The following GLT8D2 variants were observed in gnomAD, a reference collection of about 807,000 sequenced individuals.
The protein encoded by GLT8D2 is glycosyltransferase 8 domain containing 2.
A neutral mutation model predicts 44.5 loss-of-function variants in GLT8D2; 45 were observed. The observed-to-expected ratio is 1.01, with a 90% CI of 0.80 to 1.30. GLT8D2 has a LOEUF of 1.30. GLT8D2 is among the 50% of genes most tolerant of loss of function. The pLI, the probability that GLT8D2 is intolerant of heterozygous loss-of-function variation, is 0.00. For synonymous variants in GLT8D2, 156 were observed against 157.2 expected (o/e 0.99, Z 0.06); for missense variants, 400 against 430.4 (o/e 0.93, Z 0.62).
intron 1 of GLT8D2, among the ~76,000 whole-genome samples, chr12:104,037,040 G>A (rs928380295): frequency 3.3e-5 from 5 of 152,046 alleles, no homozygotes; most frequent in African/African-American, 7.3e-5. Context: ...CATGGAAACC[G>A]AACAACCTGC....
intron 4 of GLT8D2, chr12:104,014,222 G>A: frequency 1.5e-6 from 1 of 683,020 alleles, no homozygotes; most frequent in Non-Finnish European, 2.7e-6. Flanking sequence ...GGGCGTGGTG[G>A]CACACACCTG....
At chr12:104,007,433 T>C (rs1282599918) in intron 4 of GLT8D2, among the ~76,000 whole-genome samples, 2 of 152,186 alleles carry the variant, frequency 1.3e-5, no homozygotes, top group African/African-American at 2.4e-5. Context: ...TTAAGACACA[T>C]TGAATGGCCT....
At chr12:104,055,158 A>G (rs1206206836), upstream of GLT8D2, among the ~76,000 whole-genome samples, 1 of 152,208 alleles carries the variant, frequency 6.6e-6, no homozygotes, top group Non-Finnish European at 1.5e-5. Flanking sequence ...ACTGGGATAC[A>G]GCCAACCTGT....
chr12:104,060,142 A>G (rs1882504907), intron 1 of GLT8D2, among the ~76,000 whole-genome samples: 1 of 152,064 alleles, frequency 6.6e-6, no homozygotes, highest in Non-Finnish European at 1.5e-5. Flanking sequence ...TTCTGCCTCT[A>G]TGAAACCCTC....
intron 1 of GLT8D2, among the ~76,000 whole-genome samples, chr12:104,045,895 G>A (rs1203878275): frequency 1.1e-5 from 1 of 89,464 alleles, no homozygotes; most frequent in African/African-American, 3.9e-5. Flanking sequence ...AGAAAGATAA[G>A]AAAGAAAGAA....
intron 2 of GLT8D2, among the ~76,000 whole-genome samples, chr12:104,020,582 A>C (rs1208109888): frequency 2.0e-5 from 3 of 152,252 alleles, no homozygotes; most frequent in African/African-American, 7.2e-5. Flanking sequence ...AAAATGTGAC[A>C]CATAAAAGTA....
At chr12:104,004,712 T>C (rs930674554) in intron 4 of GLT8D2, among the ~76,000 whole-genome samples, 1 of 152,126 alleles carries the variant, frequency 6.6e-6, no homozygotes, top group Admixed American at 6.6e-5. Context: ...TACAAACCAC[T>C]GCCTCATCGA....
chr12:104,040,427 A>C (rs75108076), intron 1 of GLT8D2, among the ~76,000 whole-genome samples: 5,554 of 152,212 alleles, frequency 0.036, 341 homozygotes, highest in African/African-American at 0.13. Context: ...TTGAAAAAAA[A>C]ATGTTTTTTT....
At chr12:104,025,508 CT>C (rs1205770482) in intron 1 of GLT8D2, among the ~76,000 whole-genome samples, 6 of 152,054 alleles carry the variant, frequency 3.9e-5, no homozygotes, top group Admixed American at 3.9e-4. Context: ...CACACCTGGC[CT>C]TTTTTTCTTT....
rs186513993 is a variant in GLT8D2 at position 104,004,721 on chromosome 12, G to A, written c.113-1415C>T. The stretch of plus-strand genomic sequence containing the variant: ...GAGAACTACAAACCACTGCCTCATC[G>A]AAATAAAAGAGGACACAAACAAATG... On this transcript the variant is annotated intron_variant, in intron 4 of 10. Transcript: ENST00000360814. Among the ~76,000 whole-genome samples the A allele has an allele frequency of 1.6e-3, 236 of 152,188 alleles. 4 individuals carry two copies. Among genetic ancestry groups the A allele is most frequent in the South Asian group, 4.6e-3 (22 of 4,822 alleles).
intron 1 of GLT8D2, among the ~76,000 whole-genome samples, chr12:104,034,413 T>C (rs1879701578): frequency 6.6e-6 from 1 of 152,238 alleles, no homozygotes; most frequent in Non-Finnish European, 1.5e-5. Context: ...AGACTTTACC[T>C]GGAAAAACGG....
At chr12:104,006,401 G>A (rs1286072841) in intron 4 of GLT8D2, among the ~76,000 whole-genome samples, 1 of 152,002 alleles carries the variant, frequency 6.6e-6, no homozygotes, top group Admixed American at 6.6e-5. Context: ...ATAAATAAAA[G>A]AAACTGGCTG....
intron 1 of GLT8D2, among the ~76,000 whole-genome samples, chr12:104,026,586 G>A (rs1878604904): frequency 6.6e-6 from 1 of 152,144 alleles, no homozygotes; most frequent in African/African-American, 2.4e-5. Context: ...TAGGCATTAA[G>A]CAAAGCATAG....
Position 103,989,521 on chromosome 12 carries a change from G to C in GLT8D2, c.937C>G (p.His313Asp), listed in dbSNP as rs997485235. The C allele has an allele frequency of 1.1e-5, 17 of 1,613,406 alleles. No individual in the cohort carries two copies. The East Asian group carries it at 3.8e-4, about 36-fold the overall frequency. ...EHFLQEAKLL[H>D]WNGRHKPWDF... Reference sequence around the variant, plus strand: ...CAAGGTTTATGTCTTCCATTCCAGTGGAGTAATTTAGCTTCCTGCAGAAAA... The same window carrying C: ...CAAGGTTTATGTCTTCCATTCCAGTCGAGTAATTTAGCTTCCTGCAGAAAA... Residue 313 changes from histidine to aspartate, a missense_variant, in exon 11 of 11, where the codon CAC (histidine) becomes GAC (aspartate). Physicochemically the swap from His to Asp is moderately conservative, Grantham distance 81. Coordinates refer to ENST00000360814, the MANE Select transcript of GLT8D2 (RefSeq NM_001384711.1).
At chr12:104,056,445 G>C (rs1463365851) in intron 1 of GLT8D2, among the ~76,000 whole-genome samples, 1 of 152,222 alleles carries the variant, frequency 6.6e-6, no homozygotes, top group Non-Finnish European at 1.5e-5. Context: ...TCCAGCACCA[G>C]ATTCTCACTC....
intron 1 of GLT8D2, among the ~76,000 whole-genome samples, chr12:104,041,869 C>A (rs900453957): frequency 6.6e-6 from 1 of 152,188 alleles, no homozygotes. Flanking sequence ...AGGAGGGGCA[C>A]CTGACCAGAT....
intron 1 of GLT8D2, among the ~76,000 whole-genome samples, chr12:104,048,996 T>C (rs971094218): frequency 6.6e-6 from 1 of 152,214 alleles, no homozygotes; most frequent in African/African-American, 2.4e-5. Context: ...CCTATGTTCT[T>C]ACCACTGCAT....
intron 4 of GLT8D2, chr12:104,014,414 G>A (rs544137698): frequency 6.5e-6 from 4 of 612,062 alleles, no homozygotes; most frequent in Non-Finnish European, 1.2e-5. Context: ...TTTTATGGAG[G>A]TTGACTTTGT....
chr12:104,004,726 A>G (rs1211098369), intron 4 of GLT8D2, among the ~76,000 whole-genome samples: 1 of 152,224 alleles, frequency 6.6e-6, no homozygotes, highest in Non-Finnish European at 1.5e-5. Flanking sequence ...TCATCGAAAT[A>G]AAAGAGGACA....
Sources: gnomAD v4.1 joint callset for allele counts (sites outside exome capture counted in the v4.1 genomes callset) on GRCh38, gnomAD v4.1.1 for gene constraint, MANE v1.5 for transcripts, NCBI Gene and HGNC (gene_info 2026-07-23, HGNC 2026-07-21) for gene names.